CDK12: variants seen among roughly 807,000 people sequenced by gnomAD.
CDK12 encodes the protein cyclin dependent kinase 12.
CDK12 carries 17 observed loss-of-function variants against 133.8 expected under a neutral mutation model. The observed-to-expected ratio is 0.13, with a 90% CI of 0.09 to 0.19. The LOEUF is 0.19. CDK12 is among the 10% of genes least tolerant of loss of function. CDK12 has a pLI of 1.00. For synonymous variants in CDK12, 694 were observed against 683.6 expected, an observed-to-expected ratio of 1.02 and a Z score of -0.24; for missense variants, 1,508 against 1,818.7, an observed-to-expected ratio of 0.83 and a Z score of 3.11.
At chr17:39,502,226 T>TA (rs2052769799) in intron 6 of CDK12, among the ~76,000 whole-genome samples, 1 of 150,160 alleles carries the variant, frequency 6.7e-6, no homozygotes, top group African/African-American at 2.5e-5. Context: ...GATCTCACCT[T>TA]ACTGCAAGCT....
chr17:39,471,546 G>C lies in CDK12; in HGVS notation c.1714G>C (p.Ala572Pro). The C allele has an allele frequency of 6.2e-7, 1 of 1,612,864 alleles. No individual in the cohort carries two copies. Among genetic ancestry groups the C allele is most frequent in the South Asian group, 1.1e-5 (1 of 91,044 alleles). The stretch of plus-strand genomic sequence containing the variant: ...ACCACCTCTGCCTCCTTCTCAGCCA[G>C]CATTTAGTCAGGTTCCTGCTTCCAG... ...QQPPLPPSQP[A>P]FSQVPASSTS... Residue 572 changes from alanine (A) to proline (P), a missense_variant, in exon 2 of 14, where the codon GCA becomes CCA. Coordinates refer to ENST00000447079, the MANE Select transcript of CDK12 (RefSeq NM_016507.4).
rs1476357650 is a variant in CDK12 at position 39,532,268 on chromosome 17, A to G, written c.*952A>G. 4.3e-6 allele frequency: 1 copy of G among 232,998 alleles called. No homozygotes were observed. The highest frequency in any genetic ancestry group is 8.5e-6 in the Non-Finnish European group (1 of 118,000). 14.4% of individuals were successfully genotyped at this position (232,998 alleles called of 1,614,324 possible). The stretch of plus-strand genomic sequence containing the variant: ...TTGAAATAAAGGAAAGGAAATTCAG[A>G]CTCTTACATTGTTCTCTGTAACTCT... On this transcript the variant is annotated 3_prime_UTR_variant, in exon 14 of 14. Coordinates refer to ENST00000447079, the MANE Select transcript of CDK12 (RefSeq NM_016507.4).
intron 1 of CDK12, among the ~76,000 whole-genome samples, chr17:39,470,551 A>C (rs1478667250): frequency 1.3e-5 from 2 of 152,208 alleles, no homozygotes; most frequent in Non-Finnish European, 2.9e-5. Flanking sequence ...AACATCTTAC[A>C]TTAATGTGGT....
intron 13 of CDK12, among the ~76,000 whole-genome samples, chr17:39,526,843 A>G (rs183704038): frequency 1.3e-5 from 2 of 152,320 alleles, no homozygotes; most frequent in East Asian, 3.9e-4. Flanking sequence ...AACACTATAC[A>G]TTTCTTTTCC....
chr17:39,479,712 C>T (rs950885396), intron 2 of CDK12, among the ~76,000 whole-genome samples: 1 of 151,418 alleles, frequency 6.6e-6, no homozygotes, highest in Non-Finnish European at 1.5e-5. Flanking sequence ...CTGTAATCTC[C>T]GCCTCTCGGG....
intron 1 of CDK12, among the ~76,000 whole-genome samples, chr17:39,469,167 G>C (rs1264156548): frequency 6.6e-6 from 1 of 152,160 alleles, no homozygotes; most frequent in Non-Finnish European, 1.5e-5. Context: ...GGCCTTAGCA[G>C]GTTAGGCTTT....
chr17:39,481,821 A>G (rs2050734888), intron 2 of CDK12, among the ~76,000 whole-genome samples: 1 of 151,270 alleles, frequency 6.6e-6, no homozygotes, highest in African/African-American at 2.4e-5. Flanking sequence ...CCCGGGTTGA[A>G]GTGATTCTCC....
intron 6 of CDK12, among the ~76,000 whole-genome samples, 165 bp from the exon 7 acceptor site, chr17:39,509,540 T>C (rs1478675173): frequency 6.6e-6 from 1 of 152,098 alleles, no homozygotes; most frequent in Non-Finnish European, 1.5e-5. Context: ...AACTGGGTAT[T>C]GTATAAAATT....
In CDK12 at chr17:39,513,966, C is replaced by T. The variant is rs552316042; in HGVS notation, c.2769-1765C>T. 5.9e-5 allele frequency among the ~76,000 whole-genome samples: 9 copies of T among 151,492 alleles called. No individual in the cohort carries two copies. In the South Asian group the frequency reaches 1.9e-3, roughly 32 times the overall value. ...CCTAGTGGTTTTTTTTTCTTCTTTT[C>T]TTTTTTAAATGTCTCTGATTTTACC... On this transcript the variant is annotated intron_variant, in intron 8 of 13. Coordinates refer to ENST00000447079, the MANE Select transcript of CDK12 (RefSeq NM_016507.4).
chr17:39,488,439 G>A (rs182493370), intron 2 of CDK12, among the ~76,000 whole-genome samples: 1 of 152,032 alleles, frequency 6.6e-6, no homozygotes, highest in East Asian at 1.9e-4. Flanking sequence ...GGTCAGGTTT[G>A]CCTTCTGCTT....
At chr17:39,546,949 T>C (rs2055738007), upstream of CDK12, among the ~76,000 whole-genome samples, 1 of 152,136 alleles carries the variant, frequency 6.6e-6, no homozygotes, top group South Asian at 2.1e-4. Context: ...CATCCCTTTT[T>C]CTATAGTTCA....
chr17:39,541,179 G>C (rs1481728593), intron 1 of CDK12, among the ~76,000 whole-genome samples: 1 of 145,116 alleles, frequency 6.9e-6, no homozygotes, highest in African/African-American at 2.5e-5. Context: ...TGGATTAGCA[G>C]CTACTACTTA....
intron 4 of CDK12, among the ~76,000 whole-genome samples, 157 bp from the exon 5 acceptor site, chr17:39,494,367 C>G (rs534097509): frequency 6.6e-6 from 1 of 152,228 alleles, no homozygotes; most frequent in African/African-American, 2.4e-5. Flanking sequence ...GCCAGTGCGC[C>G]TGGCCTAGAG....
At chr17:39,514,061 C>CTTT (rs1368507633) in intron 8 of CDK12, among the ~76,000 whole-genome samples, 1 of 151,316 alleles carries the variant, frequency 6.6e-6, no homozygotes, top group Admixed American at 6.6e-5. Flanking sequence ...TTAAATTTTA[C>CTTT]TTTTTTTTTC....
chr17:39,490,088 C>T (rs935314197), intron 2 of CDK12, among the ~76,000 whole-genome samples: 18 of 151,538 alleles, frequency 1.2e-4, no homozygotes, highest in African/African-American at 3.9e-4. Context: ...TTATCTCAGC[C>T]AGGCATGGTG....
chr17:39,480,434 T>C (rs906057981), intron 2 of CDK12, among the ~76,000 whole-genome samples: 6 of 151,660 alleles, frequency 4.0e-5, no homozygotes, highest in African/African-American at 1.5e-4. Context: ...CATGCCCAGC[T>C]AGTTTTTTTT....
Position 39,511,513 on chromosome 17 carries a change from G to T in CDK12, c.2667-16G>T. 1 of 1,530,394 alleles carries T rather than the reference G, an allele frequency of 6.5e-7. No individual in the cohort carries two copies. The highest frequency in any genetic ancestry group is 9.0e-7 in the Non-Finnish European group (1 of 1,110,298). The allele number at this position is 1,530,394 out of a possible 1,614,324, so 94.8% of individuals were successfully genotyped here. ...GCCACTGTAAGTTTATGTCATGGTT[G>T]TTTTTTATATTTCAGTCGCCCTTAC... On this transcript the variant is annotated splice_polypyrimidine_tract_variant and intron_variant, in intron 7 of 13. Transcript: ENST00000447079.
intron 2 of CDK12, among the ~76,000 whole-genome samples, chr17:39,477,870 G>A (rs576778688): frequency 2.0e-5 from 3 of 151,816 alleles, no homozygotes; most frequent in Admixed American, 6.6e-5. Context: ...ACTGCACCCC[G>A]CCTATTTTTG....
intron 1 of CDK12, among the ~76,000 whole-genome samples, chr17:39,542,772 A>C (rs1328314688): frequency 6.6e-6 from 1 of 152,176 alleles, no homozygotes; most frequent in African/African-American, 2.4e-5. Context: ...AGCCTCCCAA[A>C]GTGCTGAGAT....
Sources: allele counts gnomAD v4.1 joint callset (sites outside exome capture counted in the v4.1 genomes callset), GRCh38; gene constraint gnomAD v4.1.1; transcripts MANE v1.5; gene names NCBI Gene and HGNC (gene_info 2026-07-23, HGNC 2026-07-21).